The following NEK1 variants were observed in gnomAD, a reference collection of about 807,000 sequenced individuals.
NEK1 encodes the protein serine/threonine-protein kinase Nek1.
A neutral mutation model predicts 182.1 loss-of-function variants in NEK1; 137 were observed. The observed-to-expected ratio is 0.75, with a 90% CI of 0.65 to 0.87. The LOEUF is 0.87. Ranked by LOEUF, NEK1 falls within the 40% of genes least tolerant of loss-of-function variation. The pLI is 0.00. For missense variants in NEK1, 1,391 were observed against 1,494.4 expected, an observed-to-expected ratio of 0.93 and a Z score of 1.14; for synonymous variants, 513 against 492.2, an observed-to-expected ratio of 1.04 and a Z score of -0.56.
At chr4:169,406,858 T>G in intron 31 of NEK1, 111 bp from the exon 32 acceptor site, 1 of 716,348 alleles carries the variant, frequency 1.4e-6, no homozygotes. Context: ...AAATGTAACA[T>G]ATAAAAAGTT....
intron 27 of NEK1, among the ~76,000 whole-genome samples, chr4:169,459,351 C>T (rs1465555556): frequency 6.6e-5 from 10 of 152,122 alleles, no homozygotes; most frequent in Non-Finnish European, 1.5e-4. Flanking sequence ...CACTACACAG[C>T]AACTAAAATA....
chr4:169,418,290 C>G (rs1734875133), intron 31 of NEK1, among the ~76,000 whole-genome samples: 1 of 152,158 alleles, frequency 6.6e-6, no homozygotes, highest in South Asian at 2.1e-4. Flanking sequence ...CCACAAGTAA[C>G]TTGACTAACT....
At chr4:169,432,985 G>A (rs1274338060) in intron 29 of NEK1, among the ~76,000 whole-genome samples, 1 of 151,888 alleles carries the variant, frequency 6.6e-6, no homozygotes, top group Non-Finnish European at 1.5e-5. Flanking sequence ...GGTTGGTCTC[G>A]AGCTCCTGTC....
chr4:169,562,752 T>A (rs1470309680), intron 12 of NEK1, among the ~76,000 whole-genome samples: 2 of 152,170 alleles, frequency 1.3e-5, no homozygotes, highest in African/African-American at 2.4e-5. Flanking sequence ...ATAAAATGAC[T>A]TTAATTTTTA....
intron 12 of NEK1, among the ~76,000 whole-genome samples, chr4:169,563,079 G>C (rs1046380443): frequency 6.6e-6 from 1 of 152,074 alleles, no homozygotes; most frequent in South Asian, 2.1e-4. Context: ...TTGGGGGCGG[G>C]ACTGATGTGG....
At chr4:169,424,044 T>G (rs1579488233) in intron 31 of NEK1, among the ~76,000 whole-genome samples, 2 of 152,198 alleles carry the variant, frequency 1.3e-5, no homozygotes, top group East Asian at 3.8e-4. Context: ...ATTTCTTATT[T>G]TTACCTGCGT....
At chr4:169,569,467 C>CCTCCCTGT (rs1764280347) in intron 12 of NEK1, among the ~76,000 whole-genome samples, 1 of 118,220 alleles carries the variant, frequency 8.5e-6, no homozygotes, top group African/African-American at 4.1e-5. Context: ...TCTCTCCCTC[C>CCTCCCTGT]CTCCCTCTCT....
intron 9 of NEK1, 57 bp from the exon 10 acceptor site, chr4:169,585,606 T>G (rs1245827740): frequency 9.1e-7 from 1 of 1,097,636 alleles, no homozygotes. Flanking sequence ...AAACTGAGAA[T>G]ATCGGTAATG....
At chr4:169,499,052 T>A (rs528091637) in intron 23 of NEK1, among the ~76,000 whole-genome samples, 1 of 152,350 alleles carries the variant, frequency 6.6e-6, no homozygotes, top group South Asian at 2.1e-4. Flanking sequence ...CAATCAGACG[T>A]AGATTTGGTC....
intron 23 of NEK1, among the ~76,000 whole-genome samples, chr4:169,487,161 T>C (rs1749179585): frequency 6.6e-6 from 1 of 152,196 alleles, no homozygotes; most frequent in Non-Finnish European, 1.5e-5. Context: ...GTGATTTTTT[T>C]TTCCTTCACT....
chr4:169,466,171 C>T (rs1403670997), intron 26 of NEK1, among the ~76,000 whole-genome samples: 1 of 151,988 alleles, frequency 6.6e-6, no homozygotes, highest in Non-Finnish European at 1.5e-5. Context: ...CCACACTGAA[C>T]TTGTCCTAAT....
chr4:169,580,938 T>C (rs1158791182), intron 10 of NEK1, 36 bp from the exon 11 acceptor site: 3 of 1,234,120 alleles, frequency 2.4e-6, no homozygotes, highest in East Asian at 5.3e-5. Context: ...GAAAAGATGT[T>C]ACATTTTCAA....
intron 22 of NEK1, 81 bp downstream of exon 22, chr4:169,507,634 C>A: frequency 2.1e-6 from 2 of 950,842 alleles, no homozygotes; most frequent in Non-Finnish European, 3.2e-6. Context: ...AGTGATATAA[C>A]TATGCAAAAC....
At chr4:169,445,294 G>A (rs1215726670) in intron 27 of NEK1, among the ~76,000 whole-genome samples, 1 of 152,048 alleles carries the variant, frequency 6.6e-6, no homozygotes, top group Non-Finnish European at 1.5e-5. Context: ...TGGTCATGGT[G>A]GCTGCCTGTA....
intron 5 of NEK1, among the ~76,000 whole-genome samples, chr4:169,594,773 G>A (rs1769151148): frequency 6.6e-6 from 1 of 152,150 alleles, no homozygotes; most frequent in Non-Finnish European, 1.5e-5. Flanking sequence ...AAGATGCTCA[G>A]TCTTTCCTAG....
intron 18 of NEK1, among the ~76,000 whole-genome samples, chr4:169,540,867 T>G (rs1759289487): frequency 6.6e-6 from 1 of 151,604 alleles, no homozygotes; most frequent in Non-Finnish European, 1.5e-5. Context: ...CAAGACAAAC[T>G]TTCCTTTTTT....
intron 27 of NEK1, among the ~76,000 whole-genome samples, chr4:169,459,570 G>T (rs767823441): frequency 3.3e-5 from 5 of 152,108 alleles, no homozygotes; most frequent in Non-Finnish European, 7.4e-5. Flanking sequence ...ACAAAAACCT[G>T]CTCATAGATG....
chr4:169,396,482 G>A (rs751643536), intron 35 of NEK1, among the ~76,000 whole-genome samples: 9 of 150,104 alleles, frequency 6.0e-5, no homozygotes, highest in Non-Finnish European at 1.0e-4. Context: ...GGCCACAGCT[G>A]TTATACTCCT....
At chr4:169,468,390 G>A (rs575777233) in intron 26 of NEK1, among the ~76,000 whole-genome samples, 1 of 152,210 alleles carries the variant, frequency 6.6e-6, no homozygotes, top group Non-Finnish European at 1.5e-5. Context: ...TATCTTGATG[G>A]GGGTTCTTAT....
Sources: gnomAD v4.1 joint callset for allele counts (sites outside exome capture counted in the v4.1 genomes callset) on GRCh38, gnomAD v4.1.1 for gene constraint, MANE v1.5 for transcripts, NCBI Gene and HGNC (gene_info 2026-07-23, HGNC 2026-07-21) for gene names.